Variants in BRWD1 observed in about 807,000 individuals in gnomAD.
BRWD1 encodes bromodomain and WD repeat-containing protein 1.
BRWD1 carries 82 observed loss-of-function variants against 251.2 expected under a neutral mutation model. That is an observed-to-expected ratio of 0.33 (90% CI 0.27 to 0.39). The LOEUF is 0.39. Among genes scored for constraint, BRWD1 ranks in the 10% least tolerant of loss-of-function variants. The pLI is 1.00. For missense variants in BRWD1, 2,233 were observed against 2,711.6 expected, an observed-to-expected ratio of 0.82 and a Z score of 3.92; for synonymous variants, 918 against 902.8, an observed-to-expected ratio of 1.02 and a Z score of -0.30.
Position 39,193,849 on chromosome 21 carries a change from T to A in BRWD1, c.*2410A>T. 1 of 985,096 alleles carries A rather than the reference T, an allele frequency of 1.0e-6. No homozygotes were observed. The highest frequency in any genetic ancestry group is 1.2e-6 in the Non-Finnish European group (1 of 829,284). The allele number at this position is 985,096 out of a possible 1,614,324, so 61.0% of individuals were successfully genotyped here. On this transcript the variant is annotated 3_prime_UTR_variant, in exon 41 of 41. Transcript: ENST00000342449. Reference sequence around the variant, plus strand: ...GTAAACATTTTAACTATTAATGATTTATTAATTTTCCTTAAAGGTACTTAG... The same window carrying A: ...GTAAACATTTTAACTATTAATGATTAATTAATTTTCCTTAAAGGTACTTAG...
At chr21:39,213,129 C>G (rs2032736801) in intron 33 of BRWD1, among the ~76,000 whole-genome samples, 1 of 152,158 alleles carries the variant, frequency 6.6e-6, no homozygotes, top group South Asian at 2.1e-4. Context: ...GGGTCTCAAA[C>G]TCCTGGCTCA....
At position 39,288,178 on chromosome 21, in the gene BRWD1, G is replaced by A. The variant is rs145433049; in HGVS notation, c.831+5633C>T. ...ACCATGAAGACCTTTCCATAGGGCA[G>A]TTTGAGTGTGCAATCTACCTAACAA... On this transcript the variant is annotated intron_variant, in intron 8 of 40. Transcript: ENST00000342449. Among the ~76,000 whole-genome samples, 228 of 152,316 alleles carry A rather than the reference G, an allele frequency of 1.5e-3. 2 individuals carry two copies. The East Asian group carries it at 0.023, about 15-fold the overall frequency.
intron 7 of BRWD1, among the ~76,000 whole-genome samples, chr21:39,295,168 T>C (rs2035921980): frequency 7.2e-6 from 1 of 139,326 alleles, no homozygotes; most frequent in South Asian, 2.2e-4. Flanking sequence ...GTGTTAGGTA[T>C]GTCTATGTTT....
At chr21:39,223,511 A>T (rs2033262956) in intron 29 of BRWD1, among the ~76,000 whole-genome samples, 1 of 152,230 alleles carries the variant, frequency 6.6e-6, no homozygotes, top group Non-Finnish European at 1.5e-5. Context: ...AAAGGGAAAT[A>T]ATTCAGTAAC....
At chr21:39,197,502 TATTA>T (rs1430393344) in intron 40 of BRWD1, 87 bp from the exon 41 acceptor site, 2 of 1,146,648 alleles carry the variant, frequency 1.7e-6, no homozygotes, top group Non-Finnish European at 2.5e-6. Flanking sequence ...TCAGAATTCG[TATTA>T]ATTTGAAGGG....
chr21:39,308,006 G>T (rs965817886), intron 4 of BRWD1, among the ~76,000 whole-genome samples: 2 of 152,220 alleles, frequency 1.3e-5, no homozygotes, highest in Non-Finnish European at 2.9e-5. Context: ...TAGAAACTTG[G>T]GAGCTGGACA....
intron 34 of BRWD1, among the ~76,000 whole-genome samples, chr21:39,211,694 A>G (rs912783577): frequency 5.9e-5 from 9 of 152,212 alleles, no homozygotes; most frequent in Non-Finnish European, 1.2e-4. Flanking sequence ...TGCAGCAGAC[A>G]TAGCAAATAA....
In BRWD1 at chr21:39,191,953, T is replaced by G; in HGVS notation, c.*4306A>C. ...GGTCTTGCCATACTTGAGAAACAGA[T>G]GTATAGTCTAATTATTTACATGTTG... On this transcript the variant is annotated 3_prime_UTR_variant, in exon 41 of 41. Transcript: ENST00000342449. 4.1e-6 allele frequency: 4 copies of G among 985,116 alleles called. No individual in the cohort carries two copies. Among genetic ancestry groups the G allele is most frequent in the Non-Finnish European group, 4.8e-6 (4 of 829,674 alleles). 61.0% of individuals were successfully genotyped at this position (985,116 alleles called of 1,614,324 possible). A position where few individuals can be genotyped will look rare whatever the true frequency, so the allele number is the denominator to read the frequency against.
chr21:39,298,222 A>G (rs999003591), intron 5 of BRWD1: 1 of 1,209,584 alleles, frequency 8.3e-7, no homozygotes, highest in Admixed American at 4.3e-5. Context: ...TAACATCTAT[A>G]TCTTTATCAA....
intron 4 of BRWD1, 23 bp downstream of exon 4, chr21:39,312,818 G>A (rs1360667502): frequency 3.8e-6 from 6 of 1,590,548 alleles, no homozygotes; most frequent in South Asian, 1.1e-5. Flanking sequence ...AAAACCCGGG[G>A]AGCAAACGTG....
chr21:39,199,747 A>T (rs1312357053), intron 39 of BRWD1, 85 bp from the exon 40 acceptor site: 1 of 1,304,936 alleles, frequency 7.7e-7, no homozygotes, highest in Non-Finnish European at 1.0e-6. Context: ...GATTTTCTTC[A>T]CTTTTTTGGG....
At chr21:39,218,770 TCAAAAATAGAGTTCA>T (rs2033056144) in intron 29 of BRWD1, 110 bp from the exon 30 acceptor site, 1 of 852,752 alleles carries the variant, frequency 1.2e-6, no homozygotes, top group Non-Finnish European at 1.6e-6. Flanking sequence ...ATCTCCACAG[TCAAAAATAGAGTTCA>T]AATGTGCAAC....
intron 5 of BRWD1, chr21:39,297,815 T>A (rs2035999070): frequency 1.1e-6 from 1 of 906,996 alleles, no homozygotes. Context: ...CTTTGCCCAT[T>A]AGCAGTTTAG....
Position 39,215,380 on chromosome 21 carries a change from C to T in BRWD1, c.3660-18G>A. ...ACAGCCTCCTTCAAAATAAAGTAGA[C>T]AATTTAGGGCTTAGAAAATGAGAAG... On this transcript the variant is annotated intron_variant, in intron 31 of 40. Transcript: ENST00000342449. The T allele has an allele frequency of 6.3e-7, 1 of 1,598,546 alleles. No individual in the cohort carries two copies. The highest frequency in any genetic ancestry group is 8.5e-7 in the Non-Finnish European group (1 of 1,172,720).
chr21:39,314,060 G>C, upstream of BRWD1: 2 of 455,970 alleles, frequency 4.4e-6, no homozygotes, highest in South Asian at 1.5e-5. Context: ...AAGGTCGCCC[G>C]CTCCGGGTCG....
rs1363147340 is a variant in BRWD1 at position 39,199,183 on chromosome 21, G to A, written c.5233C>T (p.Pro1745Ser). 6.2e-7 allele frequency: 1 copy of A among 1,614,124 alleles called. No homozygotes were observed. ...ATTTTAAGAAATTTTGTCTTTGAAGGTGCTGGAGTATGGGACTTGTAACCA... is the reference window on the plus strand; with the variant it reads ...ATTTTAAGAAATTTTGTCTTTGAAGATGCTGGAGTATGGGACTTGTAACCA... ...ANGYKSHTPA[P>S]SKTKFLKIES... The change falls in exon 40 of 41, where the codon CCT becomes TCT. Residue 1745 changes from proline to serine, a missense_variant. Around this residue, in one of 12 missense-constraint regions of BRWD1, gnomAD observed 928 missense variants for 970.0 expected, o/e 0.96. Transcript: ENST00000342449.
At chr21:39,229,278 T>C in intron 26 of BRWD1, 34 bp downstream of exon 26, 1 of 1,531,834 alleles carries the variant, frequency 6.5e-7, no homozygotes, top group Non-Finnish European at 8.9e-7. Flanking sequence ...CAAATTTAAA[T>C]TTAAGTAATT....
At chr21:39,278,945 C>A in intron 9 of BRWD1, 132 bp from the exon 10 acceptor site, 1 of 650,482 alleles carries the variant, frequency 1.5e-6, no homozygotes, top group Non-Finnish European at 2.3e-6. Flanking sequence ...ATGTTGCCCA[C>A]ACTAGACACA....
At position 39,194,562 on chromosome 21, in the gene BRWD1, T is replaced by C; in HGVS notation, c.*1697A>G. On this transcript the variant is annotated 3_prime_UTR_variant, in exon 41 of 41. Coordinates refer to ENST00000342449, the MANE Select transcript of BRWD1 (RefSeq NM_033656.4). ...CAAATGAGAGGAGGTTTCCCACCTA[T>C]CTCAGTTGATAATGTCCAAAAACAT... The C allele has an allele frequency of 6.9e-7, 1 of 1,455,228 alleles. No homozygotes were observed. The highest frequency in any genetic ancestry group is 2.5e-5 in the Admixed American group (1 of 39,716). The allele number at this position is 1,455,228 out of a possible 1,614,324, so 90.1% of individuals were successfully genotyped here.
Sources: gnomAD v4.1 joint callset for allele counts (sites outside exome capture counted in the v4.1 genomes callset) on GRCh38, gnomAD v4.1.1 for gene constraint, gnomAD v4.1.1 regional missense constraint, MANE v1.5 for transcripts, NCBI Gene and HGNC (gene_info 2026-07-23, HGNC 2026-07-21) for gene names.